The following MRC1 variants were observed in gnomAD, a reference collection of about 807,000 sequenced individuals.
MRC1 encodes mannose receptor C-type 1, also known as macrophage mannose receptor 1.
A neutral mutation model predicts 102.9 loss-of-function variants in MRC1; 62 were observed. The observed-to-expected ratio is 0.60, with a 90% CI of 0.49 to 0.74. The LOEUF is 0.74. Among genes scored for constraint, MRC1 ranks in the 30% least tolerant of loss-of-function variants. The pLI, the probability that MRC1 is intolerant of heterozygous loss-of-function variation, is 0.00. For synonymous variants in MRC1, 457 were observed against 298.4 expected (o/e 1.53, Z -5.48); for missense variants, 1,237 against 862.8 (o/e 1.43, Z -5.43).
In MRC1 at chr10:17,894,210, GCTGA is replaced by G; in HGVS notation, c.3152_3155del (p.Asp1051ValfsTer36). The G allele has an allele frequency of 1.1e-6, 1 of 872,412 alleles. No individual in the cohort carries two copies. Among genetic ancestry groups the G allele is most frequent in the Non-Finnish European group, 2.0e-6 (1 of 501,416 alleles). The allele number at this position is 872,412 out of a possible 1,614,324, so 54.0% of individuals were successfully genotyped here. On this transcript the variant is annotated frameshift_variant and splice_region_variant, in exon 23 of 30. Coordinates refer to ENST00000569591, the MANE Select transcript of MRC1 (RefSeq NM_002438.4). LOFTEE classifies it high-confidence loss of function. ...TTTTTCTTTCTCCATAAATATACAG[GCTGA>G]CTGTGTTGTTATTATTGGAGGTGCA...
At chr10:17,819,992 G>A (rs1838372035) in intron 1 of MRC1, among the ~76,000 whole-genome samples, 1 of 152,148 alleles carries the variant, frequency 6.6e-6, no homozygotes, top group Non-Finnish European at 1.5e-5. Context: ...TCCAGAGGCA[G>A]AATTCATTCT....
chr10:17,845,081 A>G (rs782517571), intron 5 of MRC1: 25 of 774,296 alleles, frequency 3.2e-5, no homozygotes, highest in Non-Finnish European at 5.1e-5. Context: ...CATTCTAAGT[A>G]TTGGAATGAT....
chr10:17,876,098 G>T (rs957455065), intron 17 of MRC1, among the ~76,000 whole-genome samples: 1 of 152,054 alleles, frequency 6.6e-6, no homozygotes. Flanking sequence ...TCTACAATTG[G>T]TACCCCCTAG....
At chr10:17,892,258 A>G (rs944172416) in intron 22 of MRC1, among the ~76,000 whole-genome samples, 4 of 152,194 alleles carry the variant, frequency 2.6e-5, no homozygotes, top group Non-Finnish European at 5.9e-5. Flanking sequence ...AAACTCAAAA[A>G]ACTCTGCAGT....
At chr10:17,864,611 C>G (rs1589183964) in intron 11 of MRC1, among the ~76,000 whole-genome samples, 1 of 151,838 alleles carries the variant, frequency 6.6e-6, no homozygotes, top group Admixed American at 6.6e-5. Context: ...GGCAGATCAC[C>G]TGAGGTCAGT....
At chr10:17,852,323 T>C (rs981673281) in intron 7 of MRC1, among the ~76,000 whole-genome samples, 69 of 152,290 alleles carry the variant, frequency 4.5e-4, no homozygotes, top group Admixed American at 1.8e-3. Context: ...ATGAAAATGA[T>C]TACAGATTCA....
At chr10:17,894,137 G>T in intron 22 of MRC1, 73 bp from the exon 23 acceptor site, 5 of 844,930 alleles carry the variant, frequency 5.9e-6, no homozygotes, top group Admixed American at 5.3e-5. Flanking sequence ...AGATTTTTTT[G>T]CTTATTAATG....
Position 17,827,524 on chromosome 10 carries a change from G to A in MRC1, c.464-18G>A. On this transcript the variant is annotated intron_variant, in intron 2 of 29. Coordinates refer to ENST00000569591, the MANE Select transcript of MRC1 (RefSeq NM_002438.4). The stretch of plus-strand genomic sequence containing the variant: ...AATATCACTCACATTCCAAGTTCAA[G>A]TCAATATGTTTTTCCAGCCATGTAT... The A allele has an allele frequency of 1.3e-6, 1 of 779,996 alleles. No homozygotes were observed. The highest frequency in any genetic ancestry group is 1.7e-5 in the Admixed American group (1 of 58,952). The allele number at this position is 779,996 out of a possible 1,614,324, so 48.3% of individuals were successfully genotyped here.
At chr10:17,864,298 T>G (rs1833229170) in intron 11 of MRC1, among the ~76,000 whole-genome samples, 1 of 152,260 alleles carries the variant, frequency 6.6e-6, no homozygotes, top group African/African-American at 2.4e-5. Context: ...CCACTGCGCA[T>G]GTCCTGTTTG....
chr10:17,901,454 C>T (rs981574339), intron 25 of MRC1, among the ~76,000 whole-genome samples: 16 of 152,016 alleles, frequency 1.1e-4, no homozygotes, highest in East Asian at 3.9e-4. Flanking sequence ...TTCGGGAGGC[C>T]GAGGCGGGCA....
chr10:17,819,122 T>C (rs556262080), intron 1 of MRC1, among the ~76,000 whole-genome samples: 5 of 151,966 alleles, frequency 3.3e-5, no homozygotes, highest in Non-Finnish European at 7.4e-5. Flanking sequence ...AAGAAAAGAA[T>C]TTTACTATTG....
intron 11 of MRC1, 31 bp from the exon 12 acceptor site, chr10:17,866,531 A>G: frequency 1.3e-6 from 1 of 780,834 alleles, no homozygotes. Context: ...GGCACCTGTC[A>G]AGTGAATTCT....
intron 3 of MRC1, among the ~76,000 whole-genome samples, chr10:17,830,029 T>A (rs1838545345): frequency 6.6e-6 from 1 of 151,786 alleles, no homozygotes; most frequent in African/African-American, 2.4e-5. Flanking sequence ...TGCATTAAAA[T>A]TTTAAATCAC....
intron 21 of MRC1, among the ~76,000 whole-genome samples, chr10:17,884,280 C>T (rs1303208616): frequency 6.6e-6 from 1 of 152,148 alleles, no homozygotes; most frequent in Admixed American, 6.6e-5. Flanking sequence ...CTGATGTGAG[C>T]ATTTTAGCAT....
At chr10:17,821,076 A>G (rs1838388178) in intron 1 of MRC1, among the ~76,000 whole-genome samples, 1 of 152,198 alleles carries the variant, frequency 6.6e-6, no homozygotes, top group African/African-American at 2.4e-5. Flanking sequence ...TCAAGTGCAG[A>G]GAAGCCAGCA....
At chr10:17,870,576 G>A (rs992414641) in intron 13 of MRC1, among the ~76,000 whole-genome samples, 2 of 152,004 alleles carry the variant, frequency 1.3e-5, no homozygotes, top group Non-Finnish European at 2.9e-5. Flanking sequence ...CTATGACTTG[G>A]TCTATAAAAG....
chr10:17,895,139 A>T (rs1237546475), intron 23 of MRC1, among the ~76,000 whole-genome samples: 2 of 152,120 alleles, frequency 1.3e-5, no homozygotes, highest in Non-Finnish European at 2.9e-5. Context: ...CACTTGTGCC[A>T]GAGAGGCTGA....
At chr10:17,903,392 C>CTTTTT (rs35118275) in intron 26 of MRC1, among the ~76,000 whole-genome samples, 46 of 88,850 alleles carry the variant, frequency 5.2e-4, no homozygotes, top group Non-Finnish European at 7.3e-4. Flanking sequence ...CTTTTTTTTT[C>CTTTTT]TTTTTTTTTT....
At chr10:17,846,568 C>T (rs1838828679) in intron 6 of MRC1, among the ~76,000 whole-genome samples, 1 of 152,264 alleles carries the variant, frequency 6.6e-6, no homozygotes, top group Admixed American at 6.5e-5. Flanking sequence ...ACCTGTAACA[C>T]CCAGTTTACC....
Sources: gnomAD v4.1 joint callset for allele counts (sites outside exome capture counted in the v4.1 genomes callset) on GRCh38, gnomAD v4.1.1 for gene constraint, MANE v1.5 for transcripts, NCBI Gene and HGNC (gene_info 2026-07-23, HGNC 2026-07-21) for gene names.